CFTR: variants seen among roughly 807,000 people sequenced by gnomAD.
The protein encoded by CFTR is cystic fibrosis transmembrane conductance regulator.
CFTR carries 181 observed loss-of-function variants against 171.6 expected under a neutral mutation model. The ratio of observed to expected loss-of-function variants is 1.05; its 90% confidence interval spans 0.93 to 1.19. The LOEUF is 1.19. Among genes scored for constraint, CFTR ranks in the 50% most tolerant of loss-of-function variants. The pLI is 0.00. For synonymous variants in CFTR, 583 were observed against 608.0 expected, an observed-to-expected ratio of 0.96 and a Z score of 0.60; for missense variants, 1,968 against 1,734.7, an observed-to-expected ratio of 1.13 and a Z score of -2.39.
At position 117,542,051 on chromosome 7, in the gene CFTR, A is replaced by C. The variant is rs1169425480; in HGVS notation, c.1152A>C (p.Glu384Asp). ...FLQKQEYKTL[E>D]YNLTTTEVVM... is the part of the protein sequence containing the mutation. ...AAAAGCAAGAATATAAGACATTGGA[A>C]TATAACTTAACGACTACAGAAGTAG... Residue 384 changes from glutamate to aspartate, a missense_variant, in exon 9 of 27, where the codon GAA becomes GAC. Physicochemically the swap from Glu to Asp is conservative, Grantham distance 45. Transcript: ENST00000003084. 1 of 1,595,876 alleles carries C rather than the reference A, an allele frequency of 6.3e-7. No individual in the cohort carries two copies. Among genetic ancestry groups the C allele is most frequent in the Non-Finnish European group, 8.6e-7 (1 of 1,163,690 alleles).
chr7:117,640,564 G>A (rs1792896321), intron 22 of CFTR, among the ~76,000 whole-genome samples: 1 of 152,044 alleles, frequency 6.6e-6, no homozygotes, highest in Admixed American at 6.6e-5. Context: ...TGACCTTATA[G>A]CAAATTACTT....
chr7:117,571,933 A>G (rs1441623100), intron 11 of CFTR, among the ~76,000 whole-genome samples: 2 of 152,074 alleles, frequency 1.3e-5, no homozygotes, highest in Non-Finnish European at 2.9e-5. Context: ...ATTGCATTCG[A>G]ATTTGAGTTT....
At chr7:117,596,567 G>GAGCT (rs1187902007) in intron 15 of CFTR, among the ~76,000 whole-genome samples, 1 of 152,252 alleles carries the variant, frequency 6.6e-6, no homozygotes, top group African/African-American at 2.4e-5. Context: ...GAAGCCAGCT[G>GAGCT]GGCTTCTGAG....
chr7:117,587,303 T>C (rs1791950458), intron 11 of CFTR, among the ~76,000 whole-genome samples: 2 of 152,136 alleles, frequency 1.3e-5, no homozygotes, highest in Non-Finnish European at 2.9e-5. Flanking sequence ...ATAATGTTCT[T>C]TTAGTTTCTC....
At position 117,614,554 on chromosome 7, in the gene CFTR, G is replaced by T. The variant is rs1193371315; in HGVS notation, c.3368-59G>T. 3 of 1,042,452 alleles carry T rather than the reference G, an allele frequency of 2.9e-6. No individual in the cohort carries two copies. The East Asian group carries it at 7.1e-5, about 25-fold the overall frequency. 64.6% of individuals were successfully genotyped at this position (1,042,452 alleles called of 1,614,324 possible). A position where few individuals can be genotyped will look rare whatever the true frequency, so the allele number is the denominator to read the frequency against. On this transcript the variant is annotated intron_variant, in intron 20 of 26. Transcript: ENST00000003084. ...GTGCCCTAGGAGAAGTGTGAATAAA[G>T]TCGTTCACAGAAGAGAGAAATAACA...
At chr7:117,482,839 G>A (rs1584765620) in intron 1 of CFTR, among the ~76,000 whole-genome samples, 4 of 152,084 alleles carry the variant, frequency 2.6e-5, no homozygotes, top group African/African-American at 7.2e-5. Flanking sequence ...ATATCAAACC[G>A]TGTGTCACAT....
At chr7:117,647,670 A>G (rs933936319) in intron 23 of CFTR, among the ~76,000 whole-genome samples, 2 of 142,440 alleles carry the variant, frequency 1.4e-5, no homozygotes, top group Non-Finnish European at 3.0e-5. Flanking sequence ...CCATACCACC[A>G]GCTAATACCA....
chr7:117,540,021 T>C (rs575984390), intron 7 of CFTR, 79 bp from the exon 8 acceptor site: 1 of 1,221,918 alleles, frequency 8.2e-7, no homozygotes, highest in Middle Eastern at 2.3e-4. Context: ...GAGACCATGC[T>C]CAGATCTTCC....
At chr7:117,593,683 C>T (rs939992323) in intron 14 of CFTR, among the ~76,000 whole-genome samples, 1 of 152,132 alleles carries the variant, frequency 6.6e-6, no homozygotes, top group African/African-American at 2.4e-5. Context: ...GCAACCTCTG[C>T]CTCCTGGGTT....
At chr7:117,507,994 T>G (rs2116639757) in intron 2 of CFTR, among the ~76,000 whole-genome samples, 1 of 152,332 alleles carries the variant, frequency 6.6e-6, no homozygotes, top group Admixed American at 6.5e-5. Flanking sequence ...CAGGCTGGTC[T>G]TGAACTCCTG....
rs1308905951 is a variant in CFTR, at chr7:117,534,302, A to G, written c.516A>G (p.Leu172=). The change falls in exon 5 of 27, where the codon CTA becomes CTG. Residue 172 remains leucine, a synonymous_variant. Coordinates refer to ENST00000003084, the MANE Select transcript of CFTR (RefSeq NM_000492.4). The part of the protein sequence containing the change: ...KKTLKLSSRV[L]DKISIGQLVS... The stretch of plus-strand genomic sequence containing the variant: ...CTTTAAAGCTGTCAAGCCGTGTTCT[A>G]GATAAAATAAGTATTGGACAACTTG... 5.0e-6 allele frequency: 8 copies of G among 1,600,602 alleles called. No homozygotes were observed. Among genetic ancestry groups the G allele is most frequent in the Non-Finnish European group, 6.8e-6 (8 of 1,168,254 alleles).
Position 117,578,188 on chromosome 7 carries a change from A to AT in CFTR, c.1585-9541dup, listed in dbSNP as rs558757213. 1.7e-3 allele frequency among the ~76,000 whole-genome samples: 256 copies of AT among 149,192 alleles called. 1 individual carries two copies. The highest frequency in any genetic ancestry group is 6.2e-3 in the South Asian group (29 of 4,684). ...GAACTATGCAGGTCCACTTACACGT[A>AT]TTTTTTTTTTCCGTTTCTGACACCC... On this transcript the variant is annotated intron_variant, in intron 11 of 26. Transcript: ENST00000003084.
At chr7:117,555,157 C>T (rs1799331563) in intron 10 of CFTR, among the ~76,000 whole-genome samples, 1 of 151,430 alleles carries the variant, frequency 6.6e-6, no homozygotes, top group South Asian at 2.1e-4. Context: ...TAAGATATGC[C>T]ATGAATGCAT....
Position 117,504,294 on chromosome 7 carries a change from T to C in CFTR, c.95T>C (p.Leu32Pro), listed in dbSNP as rs397508821. The C allele has an allele frequency of 1.2e-6, 2 of 1,612,856 alleles. No homozygotes were observed. Among genetic ancestry groups the C allele is most frequent in the Non-Finnish European group, 1.7e-6 (2 of 1,178,896 alleles). Residue 32 changes from leucine to proline, a missense_variant, in exon 2 of 27, where the codon CTG (leucine) becomes CCG (proline). Leu to Pro is a moderately conservative substitution (Grantham distance 98, BLOSUM62 -3). Coordinates refer to ENST00000003084, the MANE Select transcript of CFTR (RefSeq NM_000492.4). ...PILRKGYRQR[L>P]ELSDIYQIPS... is the part of the protein sequence containing the mutation. Reference sequence around the variant, plus strand: ...TTGAGGAAAGGATACAGACAGCGCCTGGAATTGTCAGACATATACCAAATC... The same window carrying C: ...TTGAGGAAAGGATACAGACAGCGCCCGGAATTGTCAGACATATACCAAATC...
intron 15 of CFTR, 84 bp from the exon 16 acceptor site, chr7:117,602,742 G>C (rs1792244219): frequency 1.9e-6 from 2 of 1,054,006 alleles, no homozygotes; most frequent in East Asian, 4.7e-5. Context: ...ACATCAAATG[G>C]TGTGATGTGA....
At chr7:117,537,165 T>C (rs1000031545) in intron 7 of CFTR, among the ~76,000 whole-genome samples, 2 of 152,194 alleles carry the variant, frequency 1.3e-5, no homozygotes, top group African/African-American at 2.4e-5. Context: ...TATTCACAGA[T>C]TGGGTTCCTA....
At chr7:117,639,038 G>A (rs181773525) in intron 22 of CFTR, among the ~76,000 whole-genome samples, 154 of 152,088 alleles carry the variant, frequency 1.0e-3, no homozygotes, top group African/African-American at 3.7e-3. Flanking sequence ...GACTTAAGTG[G>A]GCATCTCGTT....
intron 7 of CFTR, among the ~76,000 whole-genome samples, chr7:117,538,533 T>C (rs773134468): frequency 2.0e-5 from 3 of 152,336 alleles, no homozygotes; most frequent in Non-Finnish European, 4.4e-5. Flanking sequence ...AAATTTAACA[T>C]TTTTATAAAA....
At chr7:117,507,593 A>G (rs1798441062) in intron 2 of CFTR, among the ~76,000 whole-genome samples, 1 of 152,140 alleles carries the variant, frequency 6.6e-6, no homozygotes, top group South Asian at 2.1e-4. Flanking sequence ...ACCAAATGTT[A>G]TGGATGGGAG....
Sources: gnomAD v4.1 joint callset for allele counts (sites outside exome capture counted in the v4.1 genomes callset) on GRCh38, gnomAD v4.1.1 for gene constraint, MANE v1.5 for transcripts, NCBI Gene and HGNC (gene_info 2026-07-23, HGNC 2026-07-21) for gene names.